The following WNT6 variants were observed in gnomAD, a reference collection of about 807,000 sequenced individuals.
The protein encoded by WNT6 is Wnt family member 6.
In WNT6, 27 loss-of-function variants were observed where a neutral mutation model predicts 33.1. That is an observed-to-expected ratio of 0.82 (90% CI 0.60 to 1.12). The LOEUF is 1.12. Among genes scored for constraint, WNT6 ranks in the 50% most tolerant of loss-of-function variants. The pLI is 0.00. For missense variants in WNT6, 494 were observed against 535.3 expected (o/e 0.92, Z 0.76); for synonymous variants, 249 against 242.8 (o/e 1.03, Z -0.24).
At position 218,873,629 on chromosome 2, in the gene WNT6, C is replaced by T; in HGVS notation, c.882C>T (p.Cys294=). 3.2e-6 allele frequency: 5 copies of T among 1,578,616 alleles called. No homozygotes were observed. Among genetic ancestry groups the T allele is most frequent in the African/African-American group, 1.4e-5 (1 of 73,444 alleles). Residue 294 remains cysteine, a synonymous_variant, in exon 4 of 4, where the codon TGC becomes TGT. Coordinates refer to ENST00000233948, the MANE Select transcript of WNT6 (RefSeq NM_006522.4). The surrounding 1 kb of genome is among the most constrained non-coding windows in gnomAD (Gnocchi z 6.1). ...ACGCCGCCGATTCGCCCGACTTCTG[C>T]GCCCCCAACCGACGCACCGGCTCCC... ...LLYAADSPDF[C]APNRRTGSPG...
At chr2:218,862,817 G>A (rs951150007) in intron 1 of WNT6, among the ~76,000 whole-genome samples, 3 of 152,012 alleles carry the variant, frequency 2.0e-5, no homozygotes, top group Non-Finnish European at 4.4e-5. Flanking sequence ...TGATTCTCCT[G>A]CCTCAGCCTC....
intron 1 of WNT6, among the ~76,000 whole-genome samples, chr2:218,861,791 GC>G (rs1420373097): frequency 6.6e-6 from 1 of 152,030 alleles, no homozygotes; most frequent in East Asian, 1.9e-4. Context: ...CCCTGAAGCT[GC>G]CCCCTTGTCC....
intron 1 of WNT6, among the ~76,000 whole-genome samples, chr2:218,865,941 G>C (rs1944350768): frequency 6.6e-6 from 1 of 151,866 alleles, no homozygotes; most frequent in South Asian, 2.1e-4. Flanking sequence ...TGGCTGGGGG[G>C]GCAGTGGGGA....
In WNT6 at chr2:218,871,810, G is replaced by T; in HGVS notation, c.627G>T (p.Ala209=). 6.3e-7 allele frequency: 1 copy of T among 1,588,504 alleles called. No individual in the cohort carries two copies. The highest frequency in any genetic ancestry group is 8.6e-7 in the Non-Finnish European group (1 of 1,169,222). Residue 209 remains alanine (A), a synonymous_variant, in exon 3 of 4, where the codon GCG becomes GCT. Coordinates refer to ENST00000233948, the MANE Select transcript of WNT6 (RefSeq NM_006522.4). This position sits in a 1 kb window ranked among gnomAD's most constrained non-coding sequence, Gnocchi z 6.4. ...RALVQLHNNE[A]GRLAVRSHTR... ...TGGTGCAACTGCACAACAACGAGGC[G>T]GGCAGGCTGGTGCGTACGGGCAGGA... is the stretch of plus-strand genomic sequence containing the variant.
chr2:218,870,992 G>T, intron 1 of WNT6, 35 bp from the exon 2 acceptor site: 3 of 1,541,984 alleles, frequency 1.9e-6, no homozygotes, highest in Middle Eastern at 1.7e-4. Flanking sequence ...CCTTTTTTGG[G>T]TTACACCCCT....
intron 1 of WNT6, among the ~76,000 whole-genome samples, chr2:218,864,106 C>T (rs1048895977): frequency 1.1e-4 from 16 of 152,160 alleles, no homozygotes; most frequent in East Asian, 1.9e-4. Flanking sequence ...CTCCTTGCTC[C>T]GGCCTTGCCC....
At chr2:218,860,856 A>T (rs1453967115) in intron 1 of WNT6, among the ~76,000 whole-genome samples, 1 of 120,904 alleles carries the variant, frequency 8.3e-6, no homozygotes, top group Non-Finnish European at 1.6e-5. Flanking sequence ...ACACCTAGGC[A>T]GCGAAGGTTG....
Position 218,871,146 on chromosome 2 carries a change from G to T in WNT6, c.200G>T (p.Arg67Leu). 1 of 1,613,804 alleles carries T rather than the reference G, an allele frequency of 6.2e-7. No homozygotes were observed. The highest frequency in any genetic ancestry group is 1.3e-5 in the African/African-American group (1 of 75,072). ...CCGGAAGTGGTGGCAGAGCTAGCTC[G>T]GGGCGCCCGGCTCGGGGTGCGAGAG... Reference protein sequence around the residue: ...AEPEVVAELARGARLGVRECQ... With the variant: ...AEPEVVAELALGARLGVRECQ... Residue 67 changes from arginine to leucine, a missense_variant, in exon 2 of 4, where the codon CGG becomes CTG. Physicochemically the swap from Arg to Leu is moderately radical, Grantham distance 102 (BLOSUM62 -2). Transcript: ENST00000233948. This position sits in a 1 kb window ranked among gnomAD's most constrained non-coding sequence, Gnocchi z 6.4.
chr2:218,871,156 G>A lies in WNT6; in HGVS notation c.210G>A (p.Arg70=). The A allele has an allele frequency of 2.5e-6, 4 of 1,613,754 alleles. No homozygotes were observed. Among genetic ancestry groups the A allele is most frequent in the Non-Finnish European group, 3.4e-6 (4 of 1,179,940 alleles). Residue 70 remains arginine, a synonymous_variant, in exon 2 of 4, where the codon CGG becomes CGA. Coordinates refer to ENST00000233948, the MANE Select transcript of WNT6 (RefSeq NM_006522.4). The surrounding 1 kb of genome is among the most constrained non-coding windows in gnomAD (Gnocchi z 6.4). ...EVVAELARGA[R]LGVRECQFQF... ...TGGCAGAGCTAGCTCGGGGCGCCCG[G>A]CTCGGGGTGCGAGAGTGCCAGTTCC... is the stretch of plus-strand genomic sequence containing the variant.
In WNT6 at chr2:218,871,917, T is replaced by A; in HGVS notation, c.636+98T>A. ...GTTGGCAGGAGTGAGGGTGTGTAGG[T>A]GGAGGGGGGCGTTAATGTGTGGGGG... On this transcript the variant is annotated intron_variant, in intron 3 of 3. Transcript: ENST00000233948. This position sits in a 1 kb window ranked among gnomAD's most constrained non-coding sequence, Gnocchi z 6.4. 3.6e-6 allele frequency: 2 copies of A among 548,406 alleles called. No individual in the cohort carries two copies. Among genetic ancestry groups the A allele is most frequent in the East Asian group, 1.1e-4 (1 of 9,448 alleles). The allele number at this position is 548,406 out of a possible 1,614,324, so 34.0% of individuals were successfully genotyped here. A position where few individuals can be genotyped will look rare whatever the true frequency, so the allele number is the denominator to read the frequency against.
At chr2:218,866,604 C>T (rs540986553) in intron 1 of WNT6, among the ~76,000 whole-genome samples, 1 of 152,262 alleles carries the variant, frequency 6.6e-6, no homozygotes, top group East Asian at 1.9e-4. Context: ...TTCTCTGCAT[C>T]TGTAATCTGG....
rs998604393 is a variant in WNT6 at position 218,873,036 on chromosome 2, C to T, written c.637-348C>T. ...CCAGGTAGGCAGGAGAGCTAGACTT[C>T]GACAGCTGCCACCTCTCCCCTCCTC... On this transcript the variant is annotated intron_variant, in intron 3 of 3. Transcript: ENST00000233948. This position sits in a 1 kb window ranked among gnomAD's most constrained non-coding sequence, Gnocchi z 6.1. Among the ~76,000 whole-genome samples, 7 of 151,966 alleles carry T rather than the reference C, an allele frequency of 4.6e-5. No homozygotes were observed. Among genetic ancestry groups the T allele is most frequent in the Admixed American group, 6.6e-5 (1 of 15,266 alleles).
chr2:218,864,512 G>A (rs1174982892), intron 1 of WNT6, among the ~76,000 whole-genome samples: 3 of 152,024 alleles, frequency 2.0e-5, no homozygotes, highest in Non-Finnish European at 4.4e-5. Context: ...AGTCATCTGC[G>A]TGCCTCAGCT....
chr2:218,870,177 C>G (rs931055488), intron 1 of WNT6, among the ~76,000 whole-genome samples: 1 of 151,332 alleles, frequency 6.6e-6, no homozygotes, highest in Non-Finnish European at 1.5e-5. Flanking sequence ...GCTGGGAGCC[C>G]GCCACTGCAC....
In WNT6 at chr2:218,873,344, C is replaced by G. The variant is rs76923452; in HGVS notation, c.637-40C>G. On this transcript the variant is annotated intron_variant, in intron 3 of 3. Coordinates refer to ENST00000233948, the MANE Select transcript of WNT6 (RefSeq NM_006522.4). This position sits in a 1 kb window ranked among gnomAD's most constrained non-coding sequence, Gnocchi z 6.1. The stretch of plus-strand genomic sequence containing the variant: ...ATCCGCTGGGCCCTTCCCTGCACCC[C>G]CTACCTGTCCACATGCGTCCGCCCC... 3.9e-3 allele frequency: 5,895 copies of G among 1,518,384 alleles called. 127 individuals are homozygous for G. The African/African-American group carries it at 0.057, about 15-fold the overall frequency. 94.1% of individuals were successfully genotyped at this position (1,518,384 alleles called of 1,614,324 possible). A position where few individuals can be genotyped will look rare whatever the true frequency, so the allele number is the denominator to read the frequency against.
chr2:218,873,797 A>G lies in WNT6; in HGVS notation c.1050A>G (p.Val350=), dbSNP rs1944429802. ...CLCRFHWCCV[V]QCHRCRVRKE... ...GCCGCTTCCACTGGTGCTGCGTAGT[A>G]CAGTGCCACCGCTGCCGTGTGCGCA... is the stretch of plus-strand genomic sequence containing the variant. Residue 350 remains valine (V), a synonymous_variant, in exon 4 of 4, where the codon GTA becomes GTG. Transcript: ENST00000233948. This position sits in a 1 kb window ranked among gnomAD's most constrained non-coding sequence, Gnocchi z 6.1. 3.8e-6 allele frequency: 6 copies of G among 1,567,490 alleles called. No homozygotes were observed. Among genetic ancestry groups the G allele is most frequent in the Non-Finnish European group, 5.2e-6 (6 of 1,162,736 alleles).
intron 1 of WNT6, among the ~76,000 whole-genome samples, chr2:218,868,701 T>A (rs1293876624): frequency 6.6e-6 from 1 of 152,218 alleles, no homozygotes; most frequent in East Asian, 1.9e-4. Flanking sequence ...GCTTATTTAC[T>A]CATTCAAAAC....
chr2:218,873,758 A>C lies in WNT6; in HGVS notation c.1011A>C (p.Glu337Asp). Residue 337 changes from glutamate to aspartate, a missense_variant, in exon 4 of 4, where the codon GAA (glutamate) becomes GAC (aspartate). Transcript: ENST00000233948. The surrounding 1 kb of genome is among the most constrained non-coding windows in gnomAD (Gnocchi z 6.1). ...ACCGCCAGGAGAGCGTGCAGCTCGA[A>C]GAGAACTGCCTGTGCCGCTTCCACT... ...RGHRQESVQL[E>D]ENCLCRFHWC... 1 of 1,586,066 alleles carries C rather than the reference A, an allele frequency of 6.3e-7. No individual in the cohort carries two copies. The highest frequency in any genetic ancestry group is 8.5e-7 in the Non-Finnish European group (1 of 1,172,280).
rs1402298579 is a variant in WNT6, at chr2:218,873,410, G to C, written c.663G>C (p.Glu221Asp). Residue 221 changes from glutamate to aspartate, a missense_variant, in exon 4 of 4, where the codon GAG becomes GAC. Physicochemically the swap from Glu to Asp is conservative, Grantham distance 45. Transcript: ENST00000233948. This position sits in a 1 kb window ranked among gnomAD's most constrained non-coding sequence, Gnocchi z 6.1. ...CCGTGCGGAGCCACACGCGCACCGA[G>C]TGCAAATGCCACGGGCTGTCGGGAT... ...RLAVRSHTRT[E>D]CKCHGLSGSC... The C allele has an allele frequency of 6.5e-7, 1 of 1,537,090 alleles. No homozygotes were observed.
Sources: gnomAD v4.1 joint callset for allele counts (sites outside exome capture counted in the v4.1 genomes callset) on GRCh38, gnomAD v4.1.1 for gene constraint, Gnocchi (gnomAD v3.1) non-coding constraint, MANE v1.5 for transcripts, NCBI Gene and HGNC (gene_info 2026-07-23, HGNC 2026-07-21) for gene names.